CNTN4: variants seen among roughly 807,000 people sequenced by gnomAD.
CNTN4 encodes the protein contactin-4.
In CNTN4, 77 loss-of-function variants were observed where a neutral mutation model predicts 122.5. The observed-to-expected ratio is 0.63, with a 90% CI of 0.52 to 0.76. The LOEUF is 0.76. Ranked by LOEUF, CNTN4 falls within the 30% of genes least tolerant of loss-of-function variation. The pLI, the probability that CNTN4 is intolerant of heterozygous loss-of-function variation, is 0.00. For missense variants in CNTN4, 1,256 were observed against 1,259.1 expected (o/e 1.00, Z 0.04); for synonymous variants, 512 against 447.0 (o/e 1.15, Z -1.83).
chr3:2,899,351 A>T (rs2094148064), intron 10 of CNTN4, among the ~76,000 whole-genome samples: 1 of 152,228 alleles, frequency 6.6e-6, no homozygotes, highest in South Asian at 2.1e-4. Flanking sequence ...AGATGTTAAG[A>T]ATAATGAGTA....
chr3:2,992,860 C>A (rs865952232), intron 14 of CNTN4, among the ~76,000 whole-genome samples: 4 of 152,050 alleles, frequency 2.6e-5, no homozygotes, highest in Middle Eastern at 3.4e-3. Context: ...ACATGCATGC[C>A]ACCTAGCAAG....
chr3:2,265,083 C>A (rs966337360), intron 2 of CNTN4, among the ~76,000 whole-genome samples: 3 of 152,072 alleles, frequency 2.0e-5, no homozygotes, highest in African/African-American at 7.2e-5. Flanking sequence ...CATAGCTTAG[C>A]TCTCACTTAT....
chr3:2,662,655 A>G (rs143652672), intron 4 of CNTN4, among the ~76,000 whole-genome samples: 114 of 152,314 alleles, frequency 7.5e-4, no homozygotes, highest in African/African-American at 2.7e-3. Context: ...GGGCAATATG[A>G]ACTTAGGCAA....
Position 2,526,985 on chromosome 3 carries a change from A to G in CNTN4, c.-88-44431A>G, listed in dbSNP as rs1487692530. Among the ~76,000 whole-genome samples the G allele has an allele frequency of 2.6e-5, 4 of 152,164 alleles. No homozygotes were observed. In the East Asian group the frequency reaches 7.7e-4, roughly 29 times the overall value. On this transcript the variant is annotated intron_variant, in intron 3 of 24. Coordinates refer to ENST00000418658, the MANE Select transcript of CNTN4 (RefSeq NM_175607.3). The stretch of plus-strand genomic sequence containing the variant: ...ACTTTCTTTATGAACTCAGACACAT[A>G]CCATTAACCTCTCTGGACTTTGGAT...
intron 14 of CNTN4, among the ~76,000 whole-genome samples, chr3:3,020,894 T>C (rs3967316): frequency 0.071 from 10,844 of 152,292 alleles, 545 homozygotes; most frequent in Admixed American, 0.11. Context: ...GGTATACTAA[T>C]GTATTAATGA....
intron 2 of CNTN4, among the ~76,000 whole-genome samples, chr3:2,237,338 G>A (rs1359165499): frequency 1.3e-5 from 2 of 152,108 alleles, no homozygotes; most frequent in Non-Finnish European, 2.9e-5. Context: ...AGCTGGGTGT[G>A]GTTACTCCTG....
intron 13 of CNTN4, among the ~76,000 whole-genome samples, chr3:2,946,999 C>T (rs952006365): frequency 6.6e-6 from 1 of 152,130 alleles, no homozygotes; most frequent in Non-Finnish European, 1.5e-5. Flanking sequence ...AGCCACTGCC[C>T]CTGGCCAGCC....
At chr3:2,430,199 G>A (rs1213955238) in intron 3 of CNTN4, among the ~76,000 whole-genome samples, 1 of 151,972 alleles carries the variant, frequency 6.6e-6, no homozygotes, top group African/African-American at 2.4e-5. Flanking sequence ...CGAGGCGGGT[G>A]GATCACGAGG....
At chr3:2,546,879 C>G (rs959068705) in intron 3 of CNTN4, among the ~76,000 whole-genome samples, 1 of 151,966 alleles carries the variant, frequency 6.6e-6, no homozygotes, top group Non-Finnish European at 1.5e-5. Context: ...AATTTCATTC[C>G]GAGCGGATGT....
At chr3:2,141,084 A>G (rs934896538) in intron 2 of CNTN4, among the ~76,000 whole-genome samples, 1 of 152,194 alleles carries the variant, frequency 6.6e-6, no homozygotes, top group Non-Finnish European at 1.5e-5. Flanking sequence ...AGCTGGAGAA[A>G]CAATTCCCAA....
chr3:2,430,489 G>C (rs546755496), intron 3 of CNTN4, among the ~76,000 whole-genome samples: 1 of 150,748 alleles, frequency 6.6e-6, no homozygotes, highest in African/African-American at 2.4e-5. Flanking sequence ...ACTGGGAGCT[G>C]TAGGCTGGAG....
chr3:2,269,060 C>G (rs2041165592), intron 2 of CNTN4, among the ~76,000 whole-genome samples: 1 of 152,174 alleles, frequency 6.6e-6, no homozygotes, highest in South Asian at 2.1e-4. Flanking sequence ...GTTGCACTGC[C>G]TGTAAAAGAG....
At chr3:2,427,037 AT>A (rs932740174) in intron 3 of CNTN4, among the ~76,000 whole-genome samples, 2 of 151,766 alleles carry the variant, frequency 1.3e-5, no homozygotes, top group South Asian at 2.1e-4. Context: ...GGATTCATTG[AT>A]TTTTTTGAAG....
At chr3:2,529,539 T>C (rs1434846643) in intron 3 of CNTN4, among the ~76,000 whole-genome samples, 2 of 152,188 alleles carry the variant, frequency 1.3e-5, no homozygotes, top group Non-Finnish European at 2.9e-5. Context: ...ATAATATGTA[T>C]TATGATTTGT....
intron 2 of CNTN4, among the ~76,000 whole-genome samples, chr3:2,215,661 T>A (rs1305923302): frequency 6.6e-6 from 1 of 151,962 alleles, no homozygotes; most frequent in Admixed American, 6.6e-5. Flanking sequence ...GGCACGTGGA[T>A]CATGAGGTCA....
At chr3:2,317,976 C>G (rs922449621) in intron 2 of CNTN4, among the ~76,000 whole-genome samples, 1 of 152,090 alleles carries the variant, frequency 6.6e-6, no homozygotes, top group Non-Finnish European at 1.5e-5. Flanking sequence ...TTCCCCATTG[C>G]TTTGTATTTC....
At chr3:3,052,466 A>G (rs753462300) in intron 23 of CNTN4, among the ~76,000 whole-genome samples, 97 of 152,226 alleles carry the variant, frequency 6.4e-4, no homozygotes, top group Non-Finnish European at 8.1e-4. Flanking sequence ...AAGCACCCCA[A>G]TGGTTCTAAC....
intron 2 of CNTN4, among the ~76,000 whole-genome samples, chr3:2,274,693 GGAGGGAA>G (rs2041432842): frequency 6.6e-6 from 1 of 152,106 alleles, no homozygotes; most frequent in Admixed American, 6.6e-5. Flanking sequence ...CCCTGGGGAG[GGAGGGAA>G]GAGAAATTTG....
intron 3 of CNTN4, among the ~76,000 whole-genome samples, chr3:2,496,584 G>T (rs1019319491): frequency 1.3e-5 from 2 of 152,068 alleles, no homozygotes; most frequent in African/African-American, 2.4e-5. Context: ...CTGGAGATAG[G>T]CTCTGTGATG....
Sources: gnomAD v4.1 joint callset for allele counts (sites outside exome capture counted in the v4.1 genomes callset) on GRCh38, gnomAD v4.1.1 for gene constraint, MANE v1.5 for transcripts, NCBI Gene and HGNC (gene_info 2026-07-23, HGNC 2026-07-21) for gene names.